The following MAML3 variants were observed in gnomAD, a reference collection of about 807,000 sequenced individuals.
MAML3 encodes mastermind-like protein 3.
A neutral mutation model predicts 101.9 loss-of-function variants in MAML3; 27 were observed. The observed-to-expected ratio is 0.27, with a 90% CI of 0.20 to 0.37. The LOEUF (loss-of-function observed/expected upper bound fraction) is 0.37, where lower values mean the gene tolerates loss of function less well. Among genes scored for constraint, MAML3 ranks in the 10% least tolerant of loss-of-function variants. The pLI is 1.00. For missense variants in MAML3, 1,316 were observed against 1,444.9 expected, an observed-to-expected ratio of 0.91 and a Z score of 1.45; for synonymous variants, 501 against 555.9, an observed-to-expected ratio of 0.90 and a Z score of 1.39.
At chr4:139,896,631 TGGTATGTG>T (rs2111206896) in intron 1 of MAML3, among the ~76,000 whole-genome samples, 1 of 121,452 alleles carries the variant, frequency 8.2e-6, no homozygotes, top group Admixed American at 9.2e-5. Context: ...TGTGTGTGTG[TGGTATGTG>T]GTGTGTGTGT....
chr4:139,756,947 C>T (rs574599057), intron 2 of MAML3, among the ~76,000 whole-genome samples: 8 of 152,156 alleles, frequency 5.3e-5, no homozygotes, highest in Admixed American at 1.3e-4. Flanking sequence ...AGCTTGGAAG[C>T]GCATTATCAC....
chr4:139,741,491 C>G (rs1202820952), intron 2 of MAML3, among the ~76,000 whole-genome samples: 1 of 152,178 alleles, frequency 6.6e-6, no homozygotes, highest in African/African-American at 2.4e-5. Flanking sequence ...GTGGCTCATG[C>G]CTGTAATCCC....
chr4:139,989,385 G>A (rs1000518320), intron 1 of MAML3, among the ~76,000 whole-genome samples: 1 of 152,106 alleles, frequency 6.6e-6, no homozygotes, highest in Non-Finnish European at 1.5e-5. Flanking sequence ...CCTCCCCTGC[G>A]GCAGCATCTA....
intron 2 of MAML3, among the ~76,000 whole-genome samples, chr4:139,777,075 G>C (rs1051837568): frequency 6.6e-6 from 1 of 152,156 alleles, no homozygotes; most frequent in South Asian, 2.1e-4. Context: ...TGCAGGGTTT[G>C]GGGGAGGAAG....
At chr4:139,935,043 C>T (rs1417354456) in intron 1 of MAML3, among the ~76,000 whole-genome samples, 1 of 152,034 alleles carries the variant, frequency 6.6e-6, no homozygotes, top group Non-Finnish European at 1.5e-5. Context: ...TCTTGGGCAA[C>T]GTACGGCTGC....
intron 1 of MAML3, among the ~76,000 whole-genome samples, chr4:140,026,940 A>G (rs1726835610): frequency 6.6e-6 from 1 of 152,162 alleles, no homozygotes; most frequent in Non-Finnish European, 1.5e-5. Flanking sequence ...TATATGTGCA[A>G]TACTTTCTTA....
At chr4:139,762,731 C>T (rs757912069) in intron 2 of MAML3, among the ~76,000 whole-genome samples, 6 of 152,124 alleles carry the variant, frequency 3.9e-5, no homozygotes, top group African/African-American at 7.2e-5. Context: ...AAACTTTAAC[C>T]CCCGTGAACC....
At chr4:140,087,267 G>A (rs2110976594) in intron 1 of MAML3, among the ~76,000 whole-genome samples, 1 of 152,300 alleles carries the variant, frequency 6.6e-6, no homozygotes, top group East Asian at 1.9e-4. Flanking sequence ...AGTAATCAGA[G>A]GGTCCATGCT....
chr4:139,946,237 T>A (rs979453479), intron 1 of MAML3, among the ~76,000 whole-genome samples: 1 of 152,240 alleles, frequency 6.6e-6, no homozygotes, highest in Non-Finnish European at 1.5e-5. Context: ...AAGATAAAGA[T>A]AATATATGCA....
chr4:140,112,829 A>G (rs1728458503), intron 1 of MAML3, among the ~76,000 whole-genome samples: 1 of 152,234 alleles, frequency 6.6e-6, no homozygotes, highest in South Asian at 2.1e-4. Context: ...ATATAATTGC[A>G]TAGTAATCTG....
chr4:139,796,132 T>C (rs561206512), intron 2 of MAML3, among the ~76,000 whole-genome samples: 1 of 152,360 alleles, frequency 6.6e-6, no homozygotes, highest in Non-Finnish European at 1.5e-5. Flanking sequence ...TAATTTTGTA[T>C]AAACAAAGGA....
chr4:139,751,740 G>A (rs1246747939), intron 2 of MAML3, among the ~76,000 whole-genome samples: 4 of 152,170 alleles, frequency 2.6e-5, no homozygotes, highest in Admixed American at 2.6e-4. Flanking sequence ...CCTGGAGGGA[G>A]GAGGAAAGAG....
At chr4:139,977,415 C>A (rs1162085256) in intron 1 of MAML3, among the ~76,000 whole-genome samples, 1 of 152,116 alleles carries the variant, frequency 6.6e-6, no homozygotes, top group Non-Finnish European at 1.5e-5. Context: ...AAGCAATAAC[C>A]ATTTTAGTCC....
At chr4:139,862,987 T>C (rs1383252193) in intron 2 of MAML3, among the ~76,000 whole-genome samples, 1 of 151,834 alleles carries the variant, frequency 6.6e-6, no homozygotes, top group Non-Finnish European at 1.5e-5. Flanking sequence ...CTGTCTCTAC[T>C]AAAAATACAA....
At chr4:139,887,872 T>C (rs940093755) in intron 2 of MAML3, among the ~76,000 whole-genome samples, 1 of 152,214 alleles carries the variant, frequency 6.6e-6, no homozygotes, top group Non-Finnish European at 1.5e-5. Context: ...GAACTTAATC[T>C]GGAGTATATA....
At chr4:139,927,072 C>CTTTTTTTTTTTTTTTTTTTT (rs61573991) in intron 1 of MAML3, among the ~76,000 whole-genome samples, 13 of 134,702 alleles carry the variant, frequency 9.7e-5, no homozygotes, top group Non-Finnish European at 1.4e-4. Context: ...TTTCTTTTTT[C>CTTTTTTTTTTTTTTTTTTTT]TTTTTTTTTT....
At chr4:140,069,396 G>A (rs1269911080) in intron 1 of MAML3, among the ~76,000 whole-genome samples, 69 of 103,586 alleles carry the variant, frequency 6.7e-4, no homozygotes, top group African/African-American at 2.3e-3. Context: ...GGAGGAGGAG[G>A]AGGAGGAGGA....
At chr4:140,018,948 G>A (rs974615358) in intron 1 of MAML3, among the ~76,000 whole-genome samples, 5 of 149,154 alleles carry the variant, frequency 3.4e-5, no homozygotes, top group Admixed American at 3.3e-4. Context: ...AAAAATAAAT[G>A]AAGTCTTACA....
intron 1 of MAML3, among the ~76,000 whole-genome samples, chr4:140,024,745 C>T (rs1212145646): frequency 2.6e-5 from 4 of 152,296 alleles, no homozygotes; most frequent in East Asian, 3.9e-4. Context: ...GAGTATCTAA[C>T]CTCTTGGTTC....
Sources: gnomAD v4.1 joint callset for allele counts (sites outside exome capture counted in the v4.1 genomes callset) on GRCh38, gnomAD v4.1.1 for gene constraint, MANE v1.5 for transcripts, NCBI Gene and HGNC (gene_info 2026-07-23, HGNC 2026-07-21) for gene names.